LRRC9: variants seen among roughly 807,000 people sequenced by gnomAD.
LRRC9 encodes leucine-rich repeat-containing protein 9.
In LRRC9, 122 loss-of-function variants were observed where a neutral mutation model predicts 63.2. That is an observed-to-expected ratio of 1.93 (90% CI 1.67 to 2.24). The LOEUF is 2.24. Ranked by LOEUF, LRRC9 falls within the 30% of genes most tolerant of loss-of-function variation. The probability of loss-of-function intolerance (pLI) is 0.00; values close to 1 mark genes in which losing one functional copy is unlikely to be tolerated. For synonymous variants in LRRC9, 366 were observed against 213.1 expected (o/e 1.72, Z -6.25); for missense variants, 1,071 against 627.7 (o/e 1.71, Z -7.55).
intron 29 of LRRC9, among the ~76,000 whole-genome samples, chr14:60,044,375 C>A (rs187898946): frequency 2.0e-4 from 30 of 152,166 alleles, no homozygotes; most frequent in African/African-American, 7.2e-4. Context: ...TTGCTTAAGG[C>A]ACATCATTAG....
chr14:60,028,162 A>G, intron 28 of LRRC9, 61 bp downstream of exon 28: 1 of 642,866 alleles, frequency 1.6e-6, no homozygotes, highest in Non-Finnish European at 2.8e-6. Context: ...AGTTCTGAGC[A>G]TAAAGCTTCC....
intron 29 of LRRC9, among the ~76,000 whole-genome samples, chr14:60,052,712 G>A (rs1478897604): frequency 6.6e-6 from 1 of 152,188 alleles, no homozygotes; most frequent in Admixed American, 6.5e-5. Context: ...GTAGGTGTGT[G>A]TTGAATTAAT....
chr14:60,028,661 A>G (rs1891744520), intron 28 of LRRC9, among the ~76,000 whole-genome samples: 1 of 152,130 alleles, frequency 6.6e-6, no homozygotes, highest in African/African-American at 2.4e-5. Context: ...TACAGATAAG[A>G]GTTGAAGACA....
chr14:60,037,592 T>C (rs905972040), intron 29 of LRRC9, among the ~76,000 whole-genome samples: 14 of 152,196 alleles, frequency 9.2e-5, no homozygotes, highest in Non-Finnish European at 1.6e-4. Context: ...TCATATCCTT[T>C]GCCCACTTTT....
intron 29 of LRRC9, among the ~76,000 whole-genome samples, chr14:60,040,980 G>A (rs986290791): frequency 6.6e-6 from 1 of 151,898 alleles, no homozygotes; most frequent in African/African-American, 2.4e-5. Flanking sequence ...CTCAGCATTT[G>A]TTTGTCTGAA....
intron 1 of LRRC9, 50 bp from the exon 1 acceptor site, chr14:59,920,094 C>T (rs565573952): frequency 6.6e-6 from 1 of 152,394 alleles, no homozygotes; most frequent in East Asian, 1.9e-4. Context: ...CCTCCCCACC[C>T]GGAGGTCGCC....
intron 8 of LRRC9, among the ~76,000 whole-genome samples, chr14:59,949,104 C>G (rs1337294463): frequency 5.3e-5 from 6 of 113,094 alleles, no homozygotes; most frequent in African/African-American, 1.0e-4. Flanking sequence ...CTCCTTGTAC[C>G]TCTGGTAGAA....
intron 29 of LRRC9, among the ~76,000 whole-genome samples, chr14:60,046,673 T>A (rs773515991): frequency 5.9e-5 from 9 of 152,232 alleles, no homozygotes; most frequent in Admixed American, 3.9e-4. Flanking sequence ...TAGGTTAGTG[T>A]AGCCTTGTGG....
intron 17 of LRRC9, among the ~76,000 whole-genome samples, chr14:59,996,308 T>A (rs1888783849): frequency 6.6e-6 from 1 of 152,194 alleles, no homozygotes; most frequent in African/African-American, 2.4e-5. Context: ...TGCTAATGCT[T>A]GCTTCTGATA....
chr14:60,007,755 G>A (rs533494780), intron 22 of LRRC9, among the ~76,000 whole-genome samples: 2 of 151,954 alleles, frequency 1.3e-5, no homozygotes, highest in Admixed American at 1.3e-4. Context: ...TACCTAAGTG[G>A]TCTGAAAGGG....
At chr14:60,056,115 A>G (rs1475820218) in intron 30 of LRRC9, among the ~76,000 whole-genome samples, 1 of 152,104 alleles carries the variant, frequency 6.6e-6, no homozygotes, top group African/African-American at 2.4e-5. Context: ...AAAATCCAGG[A>G]TAATTTCACC....
chr14:60,017,817 T>C lies in LRRC9; in HGVS notation c.3318-554T>C, dbSNP rs1279261183. ...TGAAGATATAGCTATAGACTGGGAA[T>C]CAAGCATTCTGTTTAATTACCAAAA... On this transcript the variant is annotated intron_variant, in intron 24 of 31. Coordinates refer to ENST00000445360, the Ensembl canonical transcript of LRRC9. This position sits in a 1 kb window ranked among gnomAD's most constrained non-coding sequence, Gnocchi z 4.0. Among the ~76,000 whole-genome samples the C allele has an allele frequency of 6.6e-6, 1 of 152,084 alleles. No homozygotes were observed. Among genetic ancestry groups the C allele is most frequent in the Non-Finnish European group, 1.5e-5 (1 of 67,976 alleles).
Position 59,930,340 on chromosome 14 carries a change from G to C in LRRC9, c.268-578G>C, listed in dbSNP as rs1889591795. ...TACACTAAGATTTTATCCTAGAAAA[G>C]TTAACTCAATAGCAGAAAACAACCA... On this transcript the variant is annotated intron_variant, in intron 3 of 31. Coordinates refer to ENST00000445360, the Ensembl canonical transcript of LRRC9. The surrounding 1 kb of genome is among the most constrained non-coding windows in gnomAD (Gnocchi z 4.9). Among the ~76,000 whole-genome samples the C allele has an allele frequency of 6.6e-6, 1 of 151,962 alleles. No homozygotes were observed. The highest frequency in any genetic ancestry group is 2.1e-4 in the South Asian group (1 of 4,832).
chr14:59,987,379 G>A (rs1288031113), intron 17 of LRRC9, among the ~76,000 whole-genome samples: 2 of 103,902 alleles, frequency 1.9e-5, no homozygotes, highest in Non-Finnish European at 4.6e-5. Context: ...AAGTTTATAT[G>A]CATTGTATAA....
intron 12 of LRRC9, among the ~76,000 whole-genome samples, chr14:59,971,206 T>G (rs1378492691): frequency 2.0e-5 from 3 of 152,146 alleles, no homozygotes; most frequent in Non-Finnish European, 1.5e-5. Flanking sequence ...CATTGCTTGT[T>G]TTTGTCAGCT....
Position 60,003,515 on chromosome 14 carries a change from A to G in LRRC9, c.2665-106A>G, listed in dbSNP as rs1317372718. ...TAGCTCCTGAAGGAATTCTTTTGATATCTATTTATCACATTTGAATTATTT... is the reference window on the plus strand; with the variant it reads ...TAGCTCCTGAAGGAATTCTTTTGATGTCTATTTATCACATTTGAATTATTT... On this transcript the variant is annotated intron_variant, in intron 20 of 31. Coordinates refer to ENST00000445360, the Ensembl canonical transcript of LRRC9. The surrounding 1 kb of genome is among the most constrained non-coding windows in gnomAD (Gnocchi z 4.2). The G allele has an allele frequency of 3.7e-6, 2 of 546,500 alleles. No homozygotes were observed. Among genetic ancestry groups the G allele is most frequent in the Non-Finnish European group, 6.4e-6 (2 of 312,436 alleles). The allele number at this position is 546,500 out of a possible 1,614,324, so 33.9% of individuals were successfully genotyped here.
At chr14:60,046,911 G>C (rs1408267801) in intron 29 of LRRC9, among the ~76,000 whole-genome samples, 3 of 152,142 alleles carry the variant, frequency 2.0e-5, no homozygotes, top group Non-Finnish European at 4.4e-5. Flanking sequence ...TTTTCCATTT[G>C]TTTGTGTCCT....
intron 7 of LRRC9, among the ~76,000 whole-genome samples, chr14:59,940,729 G>A (rs1881672180): frequency 6.6e-6 from 1 of 152,108 alleles, no homozygotes; most frequent in Non-Finnish European, 1.5e-5. Context: ...ATAAAAATAA[G>A]TGCTATGAAA....
chr14:60,006,095 A>G (rs938697120), intron 21 of LRRC9, among the ~76,000 whole-genome samples: 2 of 152,230 alleles, frequency 1.3e-5, no homozygotes, highest in East Asian at 3.9e-4. Context: ...AATTAATTAC[A>G]TCATTTTAAG....
Sources: allele counts gnomAD v4.1 joint callset (sites outside exome capture counted in the v4.1 genomes callset), GRCh38; gene constraint gnomAD v4.1.1; non-coding constraint Gnocchi (gnomAD v3.1); transcripts MANE v1.5; gene names NCBI Gene and HGNC (gene_info 2026-07-23, HGNC 2026-07-21).